TOMM40L: variants seen among roughly 807,000 people sequenced by gnomAD.
TOMM40L encodes the protein translocase of outer mitochondrial membrane 40 like.
A neutral mutation model predicts 38.3 loss-of-function variants in TOMM40L; 17 were observed. The ratio of observed to expected loss-of-function variants is 0.44; its 90% CI spans 0.30 to 0.67. The LOEUF is 0.67. TOMM40L is among the 30% of genes least tolerant of loss of function. The pLI is 0.08. For missense variants in TOMM40L, 294 were observed against 390.0 expected, an observed-to-expected ratio of 0.75 and a Z score of 2.07; for synonymous variants, 151 against 150.2, an observed-to-expected ratio of 1.01 and a Z score of -0.04.
In TOMM40L at chr1:161,229,252, C is replaced by A; in HGVS notation, c.*157C>A. 1 of 1,053,490 alleles carries A rather than the reference C, an allele frequency of 9.5e-7. No individual in the cohort carries two copies. Among genetic ancestry groups the A allele is most frequent in the Non-Finnish European group, 1.4e-6 (1 of 738,804 alleles). 65.3% of individuals were successfully genotyped at this position (1,053,490 alleles called of 1,614,324 possible). ...GACCATGCCCTCCTCAGAACTGGAG[C>A]TGCCACAGGGGCAGTTGATGAGGCA... On this transcript the variant is annotated 3_prime_UTR_variant, in exon 10 of 10. Transcript: ENST00000367988.
Position 161,226,871 on chromosome 1 carries a change from TCCCCTA to T in TOMM40L, c.116-12_116-7del, listed in dbSNP as rs748377296. ...CTTTGTCTGTGCTTATTCCTTCCCT[TCCCCTA>T]CCCCCTTCAGATGTATTCCCAGCAC... On this transcript the variant is annotated splice_polypyrimidine_tract_variant and intron_variant, in intron 2 of 9. Transcript: ENST00000367988. 8 of 1,613,588 alleles carry T rather than the reference TCCCCTA, an allele frequency of 5.0e-6. No homozygotes were observed. The South Asian group carries it at 6.6e-5, about 13-fold the overall frequency.
chr1:161,227,435 G>T (rs1029829028), intron 4 of TOMM40L, 85 bp downstream of exon 4: 5 of 1,326,526 alleles, frequency 3.8e-6, no homozygotes, highest in Non-Finnish European at 5.4e-6. Flanking sequence ...GTGTGTTATG[G>T]GGAGGAATGG....
In TOMM40L at chr1:161,229,713, G is replaced by A. The variant is rs201243903; in HGVS notation, c.*618G>A. On this transcript the variant is annotated 3_prime_UTR_variant, in exon 10 of 10. Coordinates refer to ENST00000367988, the MANE Select transcript of TOMM40L (RefSeq NM_032174.6). ...CAACCACTGGGCTCCCTTTGAACCC[G>A]GCCCAATCTTTGGTCCCAGCATTTT... 51 of 1,614,162 alleles carry A rather than the reference G, an allele frequency of 3.2e-5. No homozygotes were observed. The East Asian group carries it at 4.7e-4, about 15-fold the overall frequency.
At chr1:161,227,233 C>T (rs1224665258) in intron 3 of TOMM40L, 25 bp from the exon 4 acceptor site, 4 of 1,610,714 alleles carry the variant, frequency 2.5e-6, no homozygotes, top group Non-Finnish European at 3.4e-6. Context: ...ATGCGCTTTT[C>T]TCCACTGAAT....
In TOMM40L at chr1:161,227,834, A is replaced by C. The variant is rs766362915; in HGVS notation, c.379-50A>C. 1.1e-5 allele frequency: 17 copies of C among 1,596,022 alleles called. No individual in the cohort carries two copies. The South Asian group carries it at 1.1e-4, about 10-fold the overall frequency. On this transcript the variant is annotated intron_variant, in intron 5 of 9. Transcript: ENST00000367988. ...GCTTGGAAGGAGGAGCAGAGTCTATAATGATCATAAAGAGGGAGGGAGATT... is the reference window on the plus strand; with the variant it reads ...GCTTGGAAGGAGGAGCAGAGTCTATCATGATCATAAAGAGGGAGGGAGATT...
At chr1:161,228,634 C>T in intron 8 of TOMM40L, 81 bp from the exon 9 acceptor site, 1 of 1,568,028 alleles carries the variant, frequency 6.4e-7, no homozygotes, top group Non-Finnish European at 8.8e-7. Context: ...ATGCATGCCT[C>T]CATTCTGCTG....
In TOMM40L at chr1:161,229,144, G is replaced by A; in HGVS notation, c.*49G>A. ...AGCAGCTGGAACCTCTGAGTCAGGTGCCCTAGGGCCAAAGACTAGGCCCCT... is the reference window on the plus strand; with the variant it reads ...AGCAGCTGGAACCTCTGAGTCAGGTACCCTAGGGCCAAAGACTAGGCCCCT... On this transcript the variant is annotated 3_prime_UTR_variant, in exon 10 of 10. Transcript: ENST00000367988. 2.5e-6 allele frequency: 4 copies of A among 1,613,724 alleles called. No homozygotes were observed. Among genetic ancestry groups the A allele is most frequent in the Non-Finnish European group, 2.5e-6 (3 of 1,179,772 alleles).
In TOMM40L at chr1:161,230,265, A is replaced by G. The variant is rs1220998506; in HGVS notation, c.*1170A>G. Reference sequence around the variant, plus strand: ...AGGTTCTAGAAGGTGGATGTGTTCTATGGTATAAAGCATCCCCTTTCTGGC... The same window carrying G: ...AGGTTCTAGAAGGTGGATGTGTTCTGTGGTATAAAGCATCCCCTTTCTGGC... On this transcript the variant is annotated 3_prime_UTR_variant, in exon 10 of 10. Transcript: ENST00000367988. The G allele has an allele frequency of 5.7e-6, 2 of 352,316 alleles. No homozygotes were observed. The highest frequency in any genetic ancestry group is 1.1e-5 in the Non-Finnish European group (2 of 190,426). The allele number at this position is 352,316 out of a possible 1,614,324, so 21.8% of individuals were successfully genotyped here.
At chr1:161,226,654 AG>A in intron 2 of TOMM40L, 50 bp downstream of exon 2, 1 of 1,566,380 alleles carries the variant, frequency 6.4e-7, no homozygotes, top group South Asian at 1.1e-5. Flanking sequence ...AGAGGAGTGG[AG>A]GGTCTTGAAT....
At position 161,229,869 on chromosome 1, in the gene TOMM40L, G is replaced by C. The variant is rs1055414374; in HGVS notation, c.*774G>C. 6 of 1,614,190 alleles carry C rather than the reference G, an allele frequency of 3.7e-6. No homozygotes were observed. Among genetic ancestry groups the C allele is most frequent in the Non-Finnish European group, 4.2e-6 (5 of 1,180,034 alleles). On this transcript the variant is annotated 3_prime_UTR_variant, in exon 10 of 10. Coordinates refer to ENST00000367988, the MANE Select transcript of TOMM40L (RefSeq NM_032174.6). ...GGATGTGCTGGATTTGGTACCCGTA[G>C]GCCTCATTAATGCTCCGGAGCTCAG...
chr1:161,226,546 C>G lies in TOMM40L; in HGVS notation c.57C>G (p.Arg19=). Residue 19 remains arginine, a synonymous_variant, in exon 2 of 10, where the codon CGC becomes CGG. Coordinates refer to ENST00000367988, the MANE Select transcript of TOMM40L (RefSeq NM_032174.6). ...GGACTTTGCCCCGCCGGAGCCCCCG[C>G]CGAGAGGAACCCCTGCCCAACCCTG... ...PMGTLPRRSP[R]REEPLPNPGS... 2 of 1,614,168 alleles carry G rather than the reference C, an allele frequency of 1.2e-6. No individual in the cohort carries two copies. The highest frequency in any genetic ancestry group is 1.7e-6 in the Non-Finnish European group (2 of 1,180,028).
rs1025751397 is a variant in TOMM40L at position 161,230,059 on chromosome 1, C to G, written c.*964C>G. On this transcript the variant is annotated 3_prime_UTR_variant, in exon 10 of 10. Coordinates refer to ENST00000367988, the MANE Select transcript of TOMM40L (RefSeq NM_032174.6). ...TCTGAACATTAGAGAAAATCATGCT[C>G]TGGTATGACAGACTATCAGAGGTTC... The G allele has an allele frequency of 1.9e-5, 21 of 1,090,196 alleles. No homozygotes were observed. Among genetic ancestry groups the G allele is most frequent in the East Asian group, 2.5e-5 (1 of 39,738 alleles). The allele number at this position is 1,090,196 out of a possible 1,614,324, so 67.5% of individuals were successfully genotyped here. A position where few individuals can be genotyped will look rare whatever the true frequency, so the allele number is the denominator to read the frequency against.
intron 1 of TOMM40L, 87 bp from the exon 2 acceptor site, chr1:161,226,268 T>A (rs1002296489): frequency 5.7e-6 from 3 of 522,658 alleles, no homozygotes; most frequent in Non-Finnish European, 1.0e-5. Flanking sequence ...GGGTGACAAG[T>A]GGGGGTGAGA....
chr1:161,227,092 C>A, intron 3 of TOMM40L, 137 bp downstream of exon 3: 1 of 1,230,156 alleles, frequency 8.1e-7, no homozygotes, highest in Non-Finnish European at 1.2e-6. Context: ...TCTTTACCTC[C>A]GTGCCTGTGG....
chr1:161,226,597 A>G lies in TOMM40L; in HGVS notation c.108A>G (p.Leu36=). 6.2e-7 allele frequency: 1 copy of G among 1,613,956 alleles called. No individual in the cohort carries two copies. Among genetic ancestry groups the G allele is most frequent in the East Asian group, 2.2e-5 (1 of 44,876 alleles). The change falls in exon 2 of 10, where the codon CTA becomes CTG. Residue 36 remains leucine (L), a synonymous_variant. Coordinates refer to ENST00000367988, the MANE Select transcript of TOMM40L (RefSeq NM_032174.6). ...GGAGCTTCGATGAGCTGCACCGTCTATGCAAAGGTGAGAACTTGGCACTTG... is the reference window on the plus strand; with the variant it reads ...GGAGCTTCGATGAGCTGCACCGTCTGTGCAAAGGTGAGAACTTGGCACTTG... ...NPGSFDELHR[L]CKDVFPAQME...
rs778932184 is a variant in TOMM40L at position 161,227,169 on chromosome 1, C to T, written c.184-89C>T. ...GGAATATTTAGGATTCTTGAGAGGC[C>T]CTCTGGATGGGGAAAAGACTAAGGG... On this transcript the variant is annotated intron_variant, in intron 3 of 9. Transcript: ENST00000367988. 8.1e-6 allele frequency: 11 copies of T among 1,364,774 alleles called. No homozygotes were observed. The South Asian group carries it at 1.1e-4, about 13-fold the overall frequency. 84.5% of individuals were successfully genotyped at this position (1,364,774 alleles called of 1,614,324 possible).
In TOMM40L at chr1:161,227,281, T is replaced by C; in HGVS notation, c.207T>C (p.Ser69=). Residue 69 remains serine, a synonymous_variant, in exon 4 of 10, where the codon AGT becomes AGC. Coordinates refer to ENST00000367988, the MANE Select transcript of TOMM40L (RefSeq NM_032174.6). Reference sequence around the variant, plus strand: ...AGGTGGCGCACACTATACACATGAGTGCCCTGGGCTTGCCGGGATATCACC... The same window carrying C: ...AGGTGGCGCACACTATACACATGAGCGCCCTGGGCTTGCCGGGATATCACC... The part of the protein sequence containing the change: ...HFQVAHTIHM[S]ALGLPGYHLH... The C allele has an allele frequency of 3.1e-6, 5 of 1,614,182 alleles. No homozygotes were observed. The highest frequency in any genetic ancestry group is 4.2e-6 in the Non-Finnish European group (5 of 1,180,024).
Position 161,228,755 on chromosome 1 carries a change from A to C in TOMM40L, c.725A>C (p.Gln242Pro). The part of the protein sequence containing the change: ...GVEFEANTRL[Q>P]DTTFSFGYHL... ...GAGTTTGAGGCAAACACAAGGCTAC[A>C]AGACACAACATTCTCCTTTGGTTAC... The change falls in exon 9 of 10, where the codon CAA becomes CCA. Residue 242 changes from glutamine (Q) to proline (P), a missense_variant. Physicochemically the swap from Gln to Pro is moderately conservative, Grantham distance 76. Coordinates refer to ENST00000367988, the MANE Select transcript of TOMM40L (RefSeq NM_032174.6). 6 of 1,614,092 alleles carry C rather than the reference A, an allele frequency of 3.7e-6. No individual in the cohort carries two copies. Among genetic ancestry groups the C allele is most frequent in the Non-Finnish European group, 5.1e-6 (6 of 1,180,010 alleles).
chr1:161,228,544 A>C, intron 8 of TOMM40L, 40 bp downstream of exon 8: 1 of 1,609,186 alleles, frequency 6.2e-7, no homozygotes, highest in South Asian at 1.1e-5. Flanking sequence ...TCAGCAAGTC[A>C]GTCATGAACT....
Sources: gnomAD v4.1 joint callset for allele counts on GRCh38, gnomAD v4.1.1 for gene constraint, MANE v1.5 for transcripts, NCBI Gene and HGNC (gene_info 2026-07-23, HGNC 2026-07-21) for gene names.